ATP2B2: variants seen among roughly 807,000 people sequenced by gnomAD.
The protein encoded by ATP2B2 is plasma membrane calcium-transporting ATPase 2.
In ATP2B2, 15 loss-of-function variants were observed where a neutral mutation model predicts 120.0. The ratio of observed to expected loss-of-function variants is 0.12; its 90% CI spans 0.08 to 0.19. The LOEUF is 0.19. ATP2B2 is among the 10% of genes least tolerant of loss of function. The pLI, the probability that ATP2B2 is intolerant of heterozygous loss-of-function variation, is 1.00. For synonymous variants in ATP2B2, 694 were observed against 700.3 expected, an observed-to-expected ratio of 0.99 and a Z score of 0.14; for missense variants, 1,045 against 1,719.8, an observed-to-expected ratio of 0.61 and a Z score of 6.94.
intron 1 of ATP2B2, among the ~76,000 whole-genome samples, chr3:10,690,149 G>A (rs534156642): frequency 6.6e-6 from 1 of 152,356 alleles, no homozygotes; most frequent in South Asian, 2.1e-4. Flanking sequence ...TGTTTTGAAA[G>A]GGCAAAGAGA....
intron 2 of ATP2B2, among the ~76,000 whole-genome samples, chr3:10,592,067 C>T (rs2068657773): frequency 6.6e-6 from 1 of 152,270 alleles, no homozygotes; most frequent in South Asian, 2.1e-4. Flanking sequence ...AGGGCTCAAC[C>T]ATGTGGAAGG....
At chr3:10,530,883 G>C (rs937852976) in intron 3 of ATP2B2, among the ~76,000 whole-genome samples, 1 of 152,244 alleles carries the variant, frequency 6.6e-6, no homozygotes, top group Admixed American at 6.5e-5. Context: ...TATAAGGAAA[G>C]ATGCCTGTCA....
intron 1 of ATP2B2, among the ~76,000 whole-genome samples, chr3:10,450,589 A>C (rs1209210224): frequency 6.6e-6 from 1 of 152,228 alleles, no homozygotes; most frequent in Non-Finnish European, 1.5e-5. Flanking sequence ...CAAAGAAGCC[A>C]GGTCATACAT....
intron 3 of ATP2B2, among the ~76,000 whole-genome samples, chr3:10,511,628 A>T (rs183462317): frequency 6.6e-6 from 1 of 151,986 alleles, no homozygotes; most frequent in Admixed American, 6.5e-5. Flanking sequence ...GGAGACCCCA[A>T]CTCCACTCAG....
At chr3:10,464,045 T>C (rs1212035466) in intron 1 of ATP2B2, among the ~76,000 whole-genome samples, 1 of 151,720 alleles carries the variant, frequency 6.6e-6, no homozygotes, top group East Asian at 1.9e-4. Context: ...CCCCATGCCC[T>C]GTGCGCATGC....
At chr3:10,532,096 C>T (rs1333968083) in intron 3 of ATP2B2, among the ~76,000 whole-genome samples, 10 of 151,610 alleles carry the variant, frequency 6.6e-5, no homozygotes, top group East Asian at 1.9e-4. Flanking sequence ...AAACATTGAT[C>T]GGACCACTGG....
chr3:10,356,216 G>T (rs948943634), intron 14 of ATP2B2, among the ~76,000 whole-genome samples: 1 of 150,956 alleles, frequency 6.6e-6, no homozygotes, highest in African/African-American at 2.4e-5. Flanking sequence ...CTGAGGCAGG[G>T]AGGCAGAAAA....
At chr3:10,700,509 C>G (rs2071801265) in intron 1 of ATP2B2, among the ~76,000 whole-genome samples, 1 of 152,176 alleles carries the variant, frequency 6.6e-6, no homozygotes, top group Admixed American at 6.5e-5. Flanking sequence ...GAGAAGTCAA[C>G]AAATGCCATG....
At chr3:10,618,553 G>A (rs952439965) in intron 2 of ATP2B2, among the ~76,000 whole-genome samples, 3 of 152,132 alleles carry the variant, frequency 2.0e-5, no homozygotes, top group East Asian at 1.9e-4. Flanking sequence ...TTTAGCTCAC[G>A]GCAGCAGCAA....
intron 2 of ATP2B2, among the ~76,000 whole-genome samples, chr3:10,607,643 G>A (rs2069122687): frequency 6.6e-6 from 1 of 152,220 alleles, no homozygotes; most frequent in African/African-American, 2.4e-5. Context: ...CCACACTAGG[G>A]ACATGGCATC....
At chr3:10,703,914 A>G (rs1415495148) in intron 1 of ATP2B2, among the ~76,000 whole-genome samples, 1 of 152,188 alleles carries the variant, frequency 6.6e-6, no homozygotes, top group African/African-American at 2.4e-5. Flanking sequence ...ACCCGGGGGC[A>G]GGTACCATAC....
At chr3:10,628,430 G>A (rs17033264) in intron 1 of ATP2B2, among the ~76,000 whole-genome samples, 5,541 of 152,296 alleles carry the variant, frequency 0.036, 466 homozygotes, top group East Asian at 0.36. Flanking sequence ...AATGATTAAC[G>A]TGCAGGGAAG....
chr3:10,394,102 G>C (rs1459833528), intron 5 of ATP2B2, among the ~76,000 whole-genome samples: 1 of 152,034 alleles, frequency 6.6e-6, no homozygotes, highest in Non-Finnish European at 1.5e-5. Flanking sequence ...GATCTCTTGC[G>C]TGTGACCTTT....
intron 1 of ATP2B2, among the ~76,000 whole-genome samples, chr3:10,630,483 C>T (rs1244315509): frequency 6.6e-6 from 1 of 152,198 alleles, no homozygotes. Context: ...CCATCCATGT[C>T]CCTGCAAAGG....
At chr3:10,431,398 C>T (rs1315740045) in intron 2 of ATP2B2, among the ~76,000 whole-genome samples, 2 of 152,190 alleles carry the variant, frequency 1.3e-5, no homozygotes, top group African/African-American at 4.8e-5. Context: ...CCTTTAGCAA[C>T]TGCCACCCTG....
At chr3:10,432,908 A>G (rs901773585) in intron 2 of ATP2B2, among the ~76,000 whole-genome samples, 2 of 152,268 alleles carry the variant, frequency 1.3e-5, no homozygotes, top group South Asian at 2.1e-4. Flanking sequence ...GTGGCCCCCA[A>G]GTTGAGCTGG....
chr3:10,330,340 C>G (rs2125324445), intron 22 of ATP2B2: 1 of 153,936 alleles, frequency 6.5e-6, no homozygotes, highest in South Asian at 2.1e-4. Flanking sequence ...ACAAGCCACA[C>G]TAGCTCTCTG....
At chr3:10,545,596 GA>G (rs1270939731) in intron 2 of ATP2B2, among the ~76,000 whole-genome samples, 2 of 151,810 alleles carry the variant, frequency 1.3e-5, no homozygotes, top group African/African-American at 4.8e-5. Flanking sequence ...ACCATTTTAA[GA>G]AAAGCAAAGA....
In ATP2B2 at chr3:10,540,997, G is replaced by A. The variant is rs117992248; in HGVS notation, c.-414-6864C>T. On this transcript the variant is annotated intron_variant, in intron 2 of 21. Transcript: ENST00000646379. ...CATATTGGGTGAATTGTGGTAGTTC[G>A]TGTTTTTTGAGGAATTGGTCCATTT... Among the ~76,000 whole-genome samples the A allele has an allele frequency of 1.0e-3, 155 of 151,980 alleles. No individual in the cohort carries two copies. In the East Asian group the frequency reaches 0.024, roughly 24 times the overall value.
Sources: gnomAD v4.1 joint callset for allele counts (sites outside exome capture counted in the v4.1 genomes callset) on GRCh38, gnomAD v4.1.1 for gene constraint, MANE v1.5 for transcripts, NCBI Gene and HGNC (gene_info 2026-07-23, HGNC 2026-07-21) for gene names.